The following AKR1B15 variants were observed in gnomAD, a reference collection of about 807,000 sequenced individuals.
AKR1B15 encodes the protein estradiol 17-beta-dehydrogenase AKR1B15.
AKR1B15 carries 49 observed loss-of-function variants against 38.5 expected under a neutral mutation model. The observed-to-expected ratio is 1.27, with a 90% CI of 1.01 to 1.62. The LOEUF (loss-of-function observed/expected upper bound fraction) is 1.62, where lower values mean the gene tolerates loss of function less well. AKR1B15 is among the 40% of genes most tolerant of loss of function. The pLI, the probability that AKR1B15 is intolerant of heterozygous loss-of-function variation, is 0.00. For missense variants in AKR1B15, 411 were observed against 381.6 expected, an observed-to-expected ratio of 1.08 and a Z score of -0.64; for synonymous variants, 137 against 135.5, an observed-to-expected ratio of 1.01 and a Z score of -0.08.
chr7:134,569,688 C>A (rs1228406053), intron 5 of AKR1B15, 159 bp downstream of exon 5: 1 of 703,334 alleles, frequency 1.4e-6, no homozygotes, highest in African/African-American at 1.8e-5. Flanking sequence ...TTTATAATTT[C>A]TTACGCCTGT....
intron 2 of AKR1B15, among the ~76,000 whole-genome samples, chr7:134,560,911 CTAAT>C (rs1794368379): frequency 6.6e-6 from 1 of 152,160 alleles, no homozygotes; most frequent in Admixed American, 6.5e-5. Context: ...GGAGCCAAGG[CTAAT>C]TAATTCAAAG....
intron 2 of AKR1B15, among the ~76,000 whole-genome samples, chr7:134,560,295 C>T (rs939977175): frequency 6.6e-6 from 1 of 152,074 alleles, no homozygotes; most frequent in African/African-American, 2.4e-5. Context: ...TGAACAAGCC[C>T]AAGTTAGCCT....
intron 2 of AKR1B15, among the ~76,000 whole-genome samples, chr7:134,563,853 G>A (rs1422532770): frequency 6.6e-6 from 1 of 152,146 alleles, no homozygotes; most frequent in East Asian, 1.9e-4. Flanking sequence ...GTTTCTAGCC[G>A]CTTACCACAG....
rs1427779080 is a variant in AKR1B15 at position 134,561,946 on chromosome 7, G to A, written c.-22-2652G>A. 2.6e-5 allele frequency among the ~76,000 whole-genome samples: 4 copies of A among 152,196 alleles called. No homozygotes were observed. In the East Asian group the frequency reaches 5.8e-4, roughly 22 times the overall value. On this transcript the variant is annotated intron_variant, in intron 2 of 11. Transcript: ENST00000457545. ...TCCATTTCACAGGGAAACCATCACAGGGAAAGAAAGCCTTTGTTTTTTCTT... is the reference window on the plus strand; with the variant it reads ...TCCATTTCACAGGGAAACCATCACAAGGAAAGAAAGCCTTTGTTTTTTCTT...
intron 5 of AKR1B15, 88 bp downstream of exon 5, chr7:134,569,617 G>A: frequency 7.5e-7 from 1 of 1,335,142 alleles, no homozygotes; most frequent in Non-Finnish European, 1.1e-6. Flanking sequence ...CTGAAGCCAT[G>A]GCAGAAGAAC....
chr7:134,558,887 C>T (rs1334222462), intron 2 of AKR1B15, among the ~76,000 whole-genome samples: 1 of 152,146 alleles, frequency 6.6e-6, no homozygotes, highest in Non-Finnish European at 1.5e-5. Flanking sequence ...GGCCTTGAGA[C>T]CATGTTCTCA....
At chr7:134,567,249 T>G (rs957385770) in intron 3 of AKR1B15, among the ~76,000 whole-genome samples, 3 of 152,174 alleles carry the variant, frequency 2.0e-5, no homozygotes, top group African/African-American at 7.2e-5. Context: ...TTTTAAGTGC[T>G]TTTTGCCCCC....
rs1398060254 is a variant in AKR1B15, at chr7:134,579,813, A to G, written c.*264A>G. Reference sequence around the variant, plus strand: ...TCTGATCAAATGTCTGTTAAGCACCAGAAACTCTGCCAACACTGAGGATGT... The same window carrying G: ...TCTGATCAAATGTCTGTTAAGCACCGGAAACTCTGCCAACACTGAGGATGT... On this transcript the variant is annotated 3_prime_UTR_variant, in exon 12 of 12. Coordinates refer to ENST00000457545, the MANE Select transcript of AKR1B15 (RefSeq NM_001080538.3). The G allele has an allele frequency of 5.4e-6, 2 of 373,604 alleles. No homozygotes were observed. The allele number at this position is 373,604 out of a possible 1,614,324, so 23.1% of individuals were successfully genotyped here. A position where few individuals can be genotyped will look rare whatever the true frequency, so the allele number is the denominator to read the frequency against.
intron 1 of AKR1B15, among the ~76,000 whole-genome samples, chr7:134,551,277 C>A (rs1438076308): frequency 8.5e-5 from 13 of 152,194 alleles, no homozygotes; most frequent in Non-Finnish European, 7.3e-5. Flanking sequence ...CCCCGCTCCT[C>A]CCACTGACAG....
Position 134,576,955 on chromosome 7 carries a change from C to A in AKR1B15, c.826-8C>A, listed in dbSNP as rs1317257827. 31 of 1,612,154 alleles carry A rather than the reference C, an allele frequency of 1.9e-5. No homozygotes were observed. The highest frequency in any genetic ancestry group is 4.0e-5 in the African/African-American group (3 of 74,870). On this transcript the variant is annotated splice_polypyrimidine_tract_variant and splice_region_variant and intron_variant, in intron 9 of 11. Coordinates refer to ENST00000457545, the MANE Select transcript of AKR1B15 (RefSeq NM_001080538.3). Reference sequence around the variant, plus strand: ...TGAGTGGAAACATGATGTCCCCTTTCTGCACAGGTTCTGATCCGTTTCCAT... The same window carrying A: ...TGAGTGGAAACATGATGTCCCCTTTATGCACAGGTTCTGATCCGTTTCCAT...
chr7:134,565,521 C>T, intron 3 of AKR1B15: 6 of 1,613,866 alleles, frequency 3.7e-6, no homozygotes, highest in Non-Finnish European at 5.1e-6. Context: ...GCCAAGATGC[C>T]CATTGTGGGC....
chr7:134,558,924 G>A (rs185849004), intron 2 of AKR1B15, among the ~76,000 whole-genome samples: 1 of 152,034 alleles, frequency 6.6e-6, no homozygotes, highest in African/African-American at 2.4e-5. Flanking sequence ...AAGGAAGCTC[G>A]AACCAGCCTG....
chr7:134,569,692 C>A, intron 5 of AKR1B15, 163 bp downstream of exon 5: 2 of 682,964 alleles, frequency 2.9e-6, no homozygotes, highest in Non-Finnish European at 4.8e-6. Context: ...TAATTTCTTA[C>A]GCCTGTCTTT....
At chr7:134,556,900 T>C (rs1484244772) in intron 2 of AKR1B15, 41 bp downstream of exon 2, 1 of 152,166 alleles carries the variant, frequency 6.6e-6, no homozygotes, top group East Asian at 1.9e-4. Context: ...GCCATAAATA[T>C]ACTACATGCC....
At chr7:134,559,880 C>A (rs1257627283) in intron 2 of AKR1B15, among the ~76,000 whole-genome samples, 2 of 152,144 alleles carry the variant, frequency 1.3e-5, no homozygotes, top group Non-Finnish European at 2.9e-5. Flanking sequence ...GAGGCCAAGG[C>A]AGGCAGATCC....
intron 6 of AKR1B15, 28 bp from the exon 7 acceptor site, chr7:134,575,392 G>T: frequency 4.3e-6 from 7 of 1,612,792 alleles, no homozygotes; most frequent in East Asian, 2.2e-5. Flanking sequence ...CTCTAGAGCT[G>T]CCCATAAGGT....
rs1003431459 is a variant in AKR1B15 at position 134,564,698 on chromosome 7, TTGAC to T, written c.82_85del (p.Thr28AlafsTer2). 7.2e-6 allele frequency: 5 copies of T among 698,978 alleles called. No homozygotes were observed. Among genetic ancestry groups the T allele is most frequent in the African/African-American group, 1.7e-5 (1 of 57,182 alleles). 43.3% of individuals were successfully genotyped at this position (698,978 alleles called of 1,614,324 possible). A position where few individuals can be genotyped will look rare whatever the true frequency, so the allele number is the denominator to read the frequency against. ...ACCCCTGGACCAACCCGTTGGCCCT[TTGAC>T]TGGCCTAAAGAGTTCCCTTCTGAAG... On this transcript the variant is annotated frameshift_variant, in exon 3 of 12. Coordinates refer to ENST00000457545, the MANE Select transcript of AKR1B15 (RefSeq NM_001080538.3). LOFTEE classifies it high-confidence loss of function.
chr7:134,553,797 C>A (rs1794085656), intron 1 of AKR1B15, among the ~76,000 whole-genome samples: 1 of 152,196 alleles, frequency 6.6e-6, no homozygotes, highest in Non-Finnish European at 1.5e-5. Flanking sequence ...AACTGGCTGA[C>A]CTCATCTCCA....
At chr7:134,561,948 G>A (rs1482158746) in intron 2 of AKR1B15, among the ~76,000 whole-genome samples, 2 of 152,168 alleles carry the variant, frequency 1.3e-5, no homozygotes, top group South Asian at 2.1e-4. Context: ...CCATCACAGG[G>A]AAAGAAAGCC....
Sources: gnomAD v4.1 joint callset for allele counts (sites outside exome capture counted in the v4.1 genomes callset) on GRCh38, gnomAD v4.1.1 for gene constraint, MANE v1.5 for transcripts, NCBI Gene and HGNC (gene_info 2026-07-23, HGNC 2026-07-21) for gene names.